WAPL: variants seen among roughly 807,000 people sequenced by gnomAD.
WAPL encodes WAPL cohesin release factor.
WAPL carries 5 observed loss-of-function variants against 121.0 expected under a neutral mutation model. That is an observed-to-expected ratio of 0.04 (90% confidence interval 0.02 to 0.09). The LOEUF is 0.09. WAPL is among the 10% of genes least tolerant of loss of function. The pLI is 1.00. For missense variants in WAPL, 999 were observed against 1,410.8 expected (o/e 0.71, Z 4.68); for synonymous variants, 480 against 481.5 (o/e 1.00, Z 0.04).
At chr10:86,455,683 T>TAAAAAAAAAAAAAAA (rs539594893) in intron 12 of WAPL, among the ~76,000 whole-genome samples, 4 of 29,054 alleles carry the variant, frequency 1.4e-4, no homozygotes, top group South Asian at 9.0e-4. Flanking sequence ...CAATAAATAC[T>TAAAAAAAAAAAAAAA]AAAAAAAAAA....
At chr10:86,481,375 A>G (rs1298371439) in intron 4 of WAPL, among the ~76,000 whole-genome samples, 1 of 152,134 alleles carries the variant, frequency 6.6e-6, no homozygotes, top group East Asian at 1.9e-4. Flanking sequence ...ATGTAAGAAA[A>G]AAAAAATTTT....
chr10:86,481,651 G>A (rs1752053149), intron 4 of WAPL, among the ~76,000 whole-genome samples: 1 of 152,066 alleles, frequency 6.6e-6, no homozygotes, highest in South Asian at 2.1e-4. Flanking sequence ...GGGATTACAG[G>A]CGTGAACCAC....
intron 4 of WAPL, among the ~76,000 whole-genome samples, chr10:86,489,787 T>C (rs1448892317): frequency 1.3e-5 from 2 of 150,214 alleles, no homozygotes; most frequent in African/African-American, 2.5e-5. Flanking sequence ...CACCTGGAAA[T>C]GGGGCCACTG....
At position 86,453,322 on chromosome 10, in the gene WAPL, G is replaced by C. The variant is rs561617298; in HGVS notation, c.2847C>G (p.Thr949=). ...NLTNDNEWGS[T]KTGEQDGLIG... is the part of the protein sequence containing the mutation. ...TGAGACCGTCCTGCTCTCCTGTTTT[G>C]GTGCTGCCCCACTCTGAAATAAGAA... The change falls in exon 14 of 19, where the codon ACC becomes ACG. Residue 949 remains threonine (T), a synonymous_variant. Transcript: ENST00000298767. 5 of 1,613,986 alleles carry C rather than the reference G, an allele frequency of 3.1e-6. No individual in the cohort carries two copies. Among genetic ancestry groups the C allele is most frequent in the African/African-American group, 2.7e-5 (2 of 74,976 alleles).
rs1842681166 is a variant in WAPL at position 86,521,573 on chromosome 10, GC to G, written c.-232del. 2.4e-6 allele frequency: 1 copy of G among 411,510 alleles called. No homozygotes were observed. The highest frequency in any genetic ancestry group is 1.8e-5 in the South Asian group (1 of 56,722). The allele number at this position is 411,510 out of a possible 1,614,324, so 25.5% of individuals were successfully genotyped here. A position where few individuals can be genotyped will look rare whatever the true frequency, so the allele number is the denominator to read the frequency against. On this transcript the variant is annotated 5_prime_UTR_variant, in exon 1 of 19. Transcript: ENST00000298767. ...CGCAACTTCCCTCCCCGCCTCGAGC[GC>G]CGCCGGCCGGGCCCAGGCCTAGCTC...
At chr10:86,499,414 G>A (rs1398827935) in intron 3 of WAPL, among the ~76,000 whole-genome samples, 1 of 152,106 alleles carries the variant, frequency 6.6e-6, no homozygotes, top group Non-Finnish European at 1.5e-5. Flanking sequence ...AGTTCCTAGT[G>A]GATGCCTGAA....
intron 14 of WAPL, 149 bp downstream of exon 14, chr10:86,453,071 A>C (rs1841035429): frequency 1.6e-5 from 3 of 187,240 alleles, no homozygotes; most frequent in African/African-American, 8.0e-5. Flanking sequence ...AAAAAAAAAA[A>C]GAAACACACA....
chr10:86,483,171 A>T (rs542239301), intron 4 of WAPL, among the ~76,000 whole-genome samples: 2 of 152,296 alleles, frequency 1.3e-5, no homozygotes, highest in East Asian at 3.9e-4. Flanking sequence ...CTGTAATCCT[A>T]GCATTTTGGG....
chr10:86,493,052 C>A (rs951313870), intron 4 of WAPL, among the ~76,000 whole-genome samples: 1 of 147,496 alleles, frequency 6.8e-6, no homozygotes, highest in Non-Finnish European at 1.5e-5. Context: ...CAGAGTGAGA[C>A]TCCGTCTCAA....
intron 12 of WAPL, among the ~76,000 whole-genome samples, chr10:86,456,799 G>A (rs1160764446): frequency 1.3e-5 from 2 of 152,254 alleles, no homozygotes; most frequent in East Asian, 3.9e-4. Context: ...GGCTAAACTG[G>A]GGCTTTGAAG....
Position 86,490,791 on chromosome 10 carries a change from G to A in WAPL, c.1644+6410C>T, listed in dbSNP as rs372837629. ...GATGTTAAATTTGAAGGCCGGGCGC[G>A]GTGGCTCACACCTGTAATTCCAGCA... On this transcript the variant is annotated intron_variant, in intron 4 of 18. Transcript: ENST00000298767. Among the ~76,000 whole-genome samples, 181 of 152,162 alleles carry A rather than the reference G, an allele frequency of 1.2e-3. No homozygotes were observed. The South Asian group carries it at 0.033, about 28-fold the overall frequency.
At chr10:86,516,088 G>T (rs2353812) in intron 2 of WAPL, among the ~76,000 whole-genome samples, 129,742 of 151,968 alleles carry the variant, frequency 0.85, 56,046 homozygotes, top group Non-Finnish European at 0.92. Context: ...GGCTGGTCTT[G>T]AACTCCTGAC....
chr10:86,448,604 C>T (rs1840894374), intron 15 of WAPL, among the ~76,000 whole-genome samples: 1 of 152,092 alleles, frequency 6.6e-6, no homozygotes, highest in Admixed American at 6.6e-5. Context: ...TTATATAAAA[C>T]ACATTGCACA....
At position 86,499,860 on chromosome 10, in the gene WAPL, G is replaced by T; in HGVS notation, c.1383C>A (p.Ser461Arg). 1 of 1,613,520 alleles carries T rather than the reference G, an allele frequency of 6.2e-7. No homozygotes were observed. The highest frequency in any genetic ancestry group is 8.5e-7 in the Non-Finnish European group (1 of 1,179,918). ...GACAGTCATCATCTTCATCATCTTCGCTTTCACTGAGATCATCAAAGCCAA... is the reference window on the plus strand; with the variant it reads ...GACAGTCATCATCTTCATCATCTTCTCTTTCACTGAGATCATCAAAGCCAA... ...KYFGFDDLSE[S>R]EDDEDDDCQV... The change falls in exon 3 of 19, where the codon AGC becomes AGA. Residue 461 changes from serine to arginine, a missense_variant. Physicochemically the swap from Ser to Arg is moderately radical, Grantham distance 110. Transcript: ENST00000298767.
intron 4 of WAPL, among the ~76,000 whole-genome samples, chr10:86,490,861 G>A (rs899243526): frequency 4.6e-5 from 7 of 151,772 alleles, no homozygotes; most frequent in Admixed American, 2.6e-4. Context: ...TCGGGAGTTC[G>A]AGACCAGCCT....
chr10:86,476,448 G>A (rs1253160626), intron 4 of WAPL, among the ~76,000 whole-genome samples: 1 of 151,968 alleles, frequency 6.6e-6, no homozygotes, highest in Non-Finnish European at 1.5e-5. Context: ...CAGCACTTTG[G>A]GAGGCCAAGG....
chr10:86,468,152 T>A (rs1307480323), intron 8 of WAPL, among the ~76,000 whole-genome samples: 2 of 152,156 alleles, frequency 1.3e-5, no homozygotes, highest in African/African-American at 4.8e-5. Flanking sequence ...TTTTTGCAGA[T>A]ATGTGTGTGT....
intron 16 of WAPL, 67 bp from the exon 17 acceptor site, chr10:86,443,430 TTC>T: frequency 7.2e-7 from 1 of 1,380,408 alleles, no homozygotes; most frequent in Non-Finnish European, 1.0e-6. Flanking sequence ...AAACCAACCA[TTC>T]TGTTAGTTAT....
intron 2 of WAPL, among the ~76,000 whole-genome samples, chr10:86,505,500 T>C (rs1369021851): frequency 6.6e-6 from 1 of 151,806 alleles, no homozygotes; most frequent in Non-Finnish European, 1.5e-5. Context: ...TTGACCAGGC[T>C]GGTCTCAAAC....
Sources: gnomAD v4.1 joint callset for allele counts (sites outside exome capture counted in the v4.1 genomes callset) on GRCh38, gnomAD v4.1.1 for gene constraint, MANE v1.5 for transcripts, NCBI Gene and HGNC (gene_info 2026-07-23, HGNC 2026-07-21) for gene names.